The following FSHR variants were observed in gnomAD, a reference collection of about 807,000 sequenced individuals.
FSHR encodes follicle-stimulating hormone receptor.
In FSHR, 46 loss-of-function variants were observed where a neutral mutation model predicts 52.1. The ratio of observed to expected loss-of-function variants is 0.88; its 90% CI spans 0.70 to 1.13. The LOEUF is 1.13. Among genes scored for constraint, FSHR ranks in the 50% most tolerant of loss-of-function variants. The probability of loss-of-function intolerance (pLI) is 0.00; values close to 1 mark genes in which losing one functional copy is unlikely to be tolerated. For missense variants in FSHR, 964 were observed against 834.6 expected, an observed-to-expected ratio of 1.16 and a Z score of -1.91; for synonymous variants, 399 against 309.6, an observed-to-expected ratio of 1.29 and a Z score of -3.03.
At chr2:48,973,615 CACTG>C (rs1279816928) in intron 8 of FSHR, among the ~76,000 whole-genome samples, 4 of 152,318 alleles carry the variant, frequency 2.6e-5, no homozygotes, top group African/African-American at 7.2e-5. Flanking sequence ...CCTCTTTTAC[CACTG>C]ACTATCTTTT....
intron 4 of FSHR, among the ~76,000 whole-genome samples, chr2:49,008,476 G>A (rs1052562511): frequency 3.0e-4 from 45 of 151,976 alleles, no homozygotes; most frequent in African/African-American, 5.6e-4. Context: ...GAATAATGCC[G>A]CAATAAACAT....
chr2:49,007,551 A>C (rs1453295636), intron 4 of FSHR, among the ~76,000 whole-genome samples: 1 of 152,134 alleles, frequency 6.6e-6, no homozygotes, highest in African/African-American at 2.4e-5. Context: ...AGGATAATGT[A>C]GTTTTGCTTG....
chr2:49,120,077 C>G (rs1313555208), intron 1 of FSHR, among the ~76,000 whole-genome samples: 1 of 152,174 alleles, frequency 6.6e-6, no homozygotes. Context: ...CCAGACCCAC[C>G]TGGCCAACAT....
intron 2 of FSHR, among the ~76,000 whole-genome samples, chr2:49,031,295 G>A (rs923683075): frequency 6.6e-6 from 1 of 152,136 alleles, no homozygotes; most frequent in African/African-American, 2.4e-5. Flanking sequence ...TGTGAAGCAC[G>A]CATTTGTCCT....
intron 1 of FSHR, among the ~76,000 whole-genome samples, chr2:49,115,416 C>T (rs1000845094): frequency 2.0e-5 from 3 of 152,028 alleles, no homozygotes; most frequent in Non-Finnish European, 4.4e-5. Flanking sequence ...GATGGAAAAA[C>T]GGCCAGTGTG....
intron 1 of FSHR, among the ~76,000 whole-genome samples, chr2:49,091,659 C>G (rs1670616308): frequency 6.6e-6 from 1 of 152,174 alleles, no homozygotes; most frequent in Non-Finnish European, 1.5e-5. Flanking sequence ...TATCCTTTTG[C>G]TGATGAATTA....
rs567556274 is a variant in FSHR at position 49,063,440 on chromosome 2, A to G, written c.224+4779T>C. ...AATGAATAAAGAAAATGCTATATAT[A>G]TATATATATGTATGTGACACACACT... is the stretch of plus-strand genomic sequence containing the variant. On this transcript the variant is annotated intron_variant, in intron 2 of 9. Coordinates refer to ENST00000406846, the MANE Select transcript of FSHR (RefSeq NM_000145.4). Among the ~76,000 whole-genome samples, 283 of 152,120 alleles carry G rather than the reference A, an allele frequency of 1.9e-3. 3 individuals carry two copies. The highest frequency in any genetic ancestry group is 2.8e-3 in the Non-Finnish European group (187 of 67,992).
chr2:49,085,252 T>C (rs973073004), intron 1 of FSHR, among the ~76,000 whole-genome samples: 2 of 152,246 alleles, frequency 1.3e-5, no homozygotes, highest in African/African-American at 4.8e-5. Flanking sequence ...ACCCACATGA[T>C]TATCTCGATA....
rs182692335 is a variant in FSHR, at chr2:49,106,798, G to A, written c.153-38508C>T. On this transcript the variant is annotated intron_variant, in intron 1 of 9. Coordinates refer to ENST00000406846, the MANE Select transcript of FSHR (RefSeq NM_000145.4). Reference sequence around the variant, plus strand: ...TCTAATCCAGAGCTTCCTAACCCCTGTACCGCTTCACAATGGTGGTCTGCG... The same window carrying A: ...TCTAATCCAGAGCTTCCTAACCCCTATACCGCTTCACAATGGTGGTCTGCG... 2.5e-3 allele frequency among the ~76,000 whole-genome samples: 382 copies of A among 152,208 alleles called. 2 individuals are homozygous for A. The highest frequency in any genetic ancestry group is 8.6e-3 in the African/African-American group (356 of 41,542).
chr2:49,087,087 T>TTTTTTTTATTTTTTTTATTTTA (rs1558433860), intron 1 of FSHR, among the ~76,000 whole-genome samples: 3 of 146,922 alleles, frequency 2.0e-5, no homozygotes, highest in African/African-American at 7.5e-5. Context: ...TTTTTTTTTT[T>TTTTTTTTATTTTTTTTATTTTA]TTTTTTTTTT....
intron 2 of FSHR, among the ~76,000 whole-genome samples, chr2:49,058,289 C>G (rs746876646): frequency 6.6e-6 from 1 of 152,162 alleles, no homozygotes; most frequent in African/African-American, 2.4e-5. Flanking sequence ...TGGCTCATGC[C>G]TGTAATCCCA....
intron 2 of FSHR, among the ~76,000 whole-genome samples, chr2:49,039,168 G>A (rs1668396661): frequency 6.6e-6 from 1 of 152,130 alleles, no homozygotes; most frequent in Non-Finnish European, 1.5e-5. Flanking sequence ...ATATGTTGCT[G>A]CACTCAGTAG....
At chr2:49,093,596 T>C (rs77918052) in intron 1 of FSHR, among the ~76,000 whole-genome samples, 26 of 60,066 alleles carry the variant, frequency 4.3e-4, no homozygotes, top group South Asian at 1.4e-3. Context: ...TATATTTATC[T>C]TTTTTTTTTT....
At chr2:49,049,756 G>A (rs1207314264) in intron 2 of FSHR, among the ~76,000 whole-genome samples, 1 of 151,312 alleles carries the variant, frequency 6.6e-6, no homozygotes, top group Non-Finnish European at 1.5e-5. Flanking sequence ...ATAAGGTTGG[G>A]AACATCTATA....
intron 2 of FSHR, among the ~76,000 whole-genome samples, chr2:49,041,375 G>A (rs1261400989): frequency 6.6e-6 from 1 of 152,086 alleles, no homozygotes; most frequent in Non-Finnish European, 1.5e-5. Flanking sequence ...TTTTTGCTTA[G>A]CCTAGCTTCT....
intron 1 of FSHR, among the ~76,000 whole-genome samples, chr2:49,123,904 A>G (rs1368405854): frequency 3.3e-5 from 5 of 152,154 alleles, no homozygotes; most frequent in African/African-American, 1.2e-4. Flanking sequence ...CTGTAGCTGT[A>G]GGGATCTTGC....
chr2:49,062,114 T>C (rs1391201546), intron 2 of FSHR, among the ~76,000 whole-genome samples: 1 of 151,838 alleles, frequency 6.6e-6, no homozygotes, highest in Non-Finnish European at 1.5e-5. Context: ...ATATACATCT[T>C]CAGCAACCCT....
intron 2 of FSHR, among the ~76,000 whole-genome samples, chr2:49,032,963 A>G (rs1668150799): frequency 1.3e-5 from 2 of 152,266 alleles, no homozygotes; most frequent in Admixed American, 6.5e-5. Context: ...CCAATTTATT[A>G]CATCAAATCC....
chr2:49,031,194 T>C (rs12479167), intron 2 of FSHR, among the ~76,000 whole-genome samples: 15,949 of 152,086 alleles, frequency 0.1, 1,592 homozygotes, highest in East Asian at 0.23. Context: ...ACTGGCTCTG[T>C]GCGGAGGGAG....
Sources: allele counts gnomAD v4.1 joint callset (sites outside exome capture counted in the v4.1 genomes callset), GRCh38; gene constraint gnomAD v4.1.1; transcripts MANE v1.5; gene names NCBI Gene and HGNC (gene_info 2026-07-23, HGNC 2026-07-21).